The following ITSN2 variants were observed in gnomAD, a reference collection of about 807,000 sequenced individuals.
The protein encoded by ITSN2 is intersectin-2.
Under a neutral mutation model 243.7 loss-of-function variants are expected in ITSN2, and 156 were observed. The observed-to-expected ratio is 0.64, with a 90% CI of 0.56 to 0.73. The LOEUF (loss-of-function observed/expected upper bound fraction) is 0.73, where lower values mean the gene tolerates loss of function less well. Among genes scored for constraint, ITSN2 ranks in the 30% least tolerant of loss-of-function variants. The pLI, the probability that ITSN2 is intolerant of heterozygous loss-of-function variation, is 0.00. For missense variants in ITSN2, 1,801 were observed against 1,996.1 expected (o/e 0.90, Z 1.86); for synonymous variants, 703 against 699.9 (o/e 1.00, Z -0.07).
chr2:24,269,058 G>GTT (rs34653734), intron 20 of ITSN2, among the ~76,000 whole-genome samples: 3 of 146,564 alleles, frequency 2.0e-5, no homozygotes, highest in Admixed American at 6.8e-5. Flanking sequence ...AAACTCTCCT[G>GTT]TTTTTTTTTT....
chr2:24,271,746 C>T lies in ITSN2; in HGVS notation c.2257+20G>A. Reference sequence around the variant, plus strand: ...TCTTGTTGCATTTGTTCTACTGTCTCAAAGTATCCTTATCCTTACGTTTTT... The same window carrying T: ...TCTTGTTGCATTTGTTCTACTGTCTTAAAGTATCCTTATCCTTACGTTTTT... On this transcript the variant is annotated intron_variant, in intron 19 of 39. Coordinates refer to ENST00000355123, the MANE Select transcript of ITSN2 (RefSeq NM_006277.3). 1 of 1,546,772 alleles carries T rather than the reference C, an allele frequency of 6.5e-7. No homozygotes were observed. The highest frequency in any genetic ancestry group is 8.7e-7 in the Non-Finnish European group (1 of 1,153,314).
chr2:24,233,201 C>G (rs761880519), intron 29 of ITSN2, among the ~76,000 whole-genome samples: 1 of 152,148 alleles, frequency 6.6e-6, no homozygotes, highest in Non-Finnish European at 1.5e-5. Context: ...CAGCTTATTA[C>G]ACCATTAATC....
At chr2:24,238,359 A>T (rs1672381856) in intron 29 of ITSN2, among the ~76,000 whole-genome samples, 1 of 152,182 alleles carries the variant, frequency 6.6e-6, no homozygotes, top group African/African-American at 2.4e-5. Context: ...GTTTCCGGAG[A>T]TGAGGAAAGG....
chr2:24,219,637 C>A (rs1198031888), intron 30 of ITSN2, among the ~76,000 whole-genome samples: 1 of 152,188 alleles, frequency 6.6e-6, no homozygotes, highest in Non-Finnish European at 1.5e-5. Flanking sequence ...GAAGGCCTCA[C>A]CTGTGAATGG....
chr2:24,257,906 C>G lies in ITSN2; in HGVS notation c.2870G>C (p.Ser957Thr). 3.1e-6 allele frequency: 5 copies of G among 1,613,684 alleles called. No homozygotes were observed. The highest frequency in any genetic ancestry group is 4.2e-6 in the Non-Finnish European group (5 of 1,179,576). The change falls in exon 23 of 40, where the codon AGT (serine) becomes ACT (threonine). Residue 957 changes from serine (S) to threonine (T), a missense_variant. Ser to Thr is a moderately conservative substitution (Grantham distance 58). This residue lies in a region of ITSN2 where 928 missense variants were observed against 1,065.4 expected (regional missense o/e 0.87). Coordinates refer to ENST00000355123, the MANE Select transcript of ITSN2 (RefSeq NM_006277.3). ...TGCTTACTCTTCCCGTTTTACTTCACTCCCAGGAATGATCTTGACATAAGA... is the reference window on the plus strand; with the variant it reads ...TGCTTACTCTTCCCGTTTTACTTCAGTCCCAGGAATGATCTTGACATAAGA... Reference protein sequence around the residue: ...PKSYVKIIPGSEVKREEPEAL... With the variant: ...PKSYVKIIPGTEVKREEPEAL...
intron 1 of ITSN2, among the ~76,000 whole-genome samples, chr2:24,328,652 AG>A (rs1006263656): frequency 4.0e-4 from 61 of 152,158 alleles, no homozygotes; most frequent in Admixed American, 2.0e-3. Context: ...TAGTAGGGAC[AG>A]GGTTTTGCCA....
intron 29 of ITSN2, among the ~76,000 whole-genome samples, chr2:24,236,636 G>A (rs963265394): frequency 6.6e-6 from 1 of 150,768 alleles, no homozygotes; most frequent in Non-Finnish European, 1.5e-5. Flanking sequence ...ATAGAGAAAA[G>A]CCTGTGCAAT....
chr2:24,209,723 C>T (rs1573857994), intron 35 of ITSN2, 95 bp downstream of exon 35: 1 of 956,840 alleles, frequency 1.0e-6, no homozygotes, highest in East Asian at 2.5e-5. Flanking sequence ...GAGGAGGGTC[C>T]CGTAAGGCCA....
chr2:24,203,835 T>TAAAG, intron 39 of ITSN2, 52 bp from the exon 40 acceptor site: 2 of 1,541,332 alleles, frequency 1.3e-6, no homozygotes, highest in South Asian at 2.3e-5. Flanking sequence ...ATAAAATCAT[T>TAAAG]AAAGAGCTAC....
At chr2:24,270,252 T>C (rs1425519525) in intron 20 of ITSN2, among the ~76,000 whole-genome samples, 1 of 152,240 alleles carries the variant, frequency 6.6e-6, no homozygotes, top group Non-Finnish European at 1.5e-5. Context: ...CTCTTATTCA[T>C]GTATTTTATA....
At chr2:24,301,086 C>A in intron 11 of ITSN2, 68 bp downstream of exon 11, 1 of 816,040 alleles carries the variant, frequency 1.2e-6, no homozygotes, top group South Asian at 2.1e-5. Context: ...TCTAAATATT[C>A]CATTACATTT....
chr2:24,222,105 A>G (rs1211420712), intron 29 of ITSN2, among the ~76,000 whole-genome samples: 1 of 152,108 alleles, frequency 6.6e-6, no homozygotes, highest in African/African-American at 2.4e-5. Flanking sequence ...ACAAAAAATT[A>G]GCCAGGCGTG....
In ITSN2 at chr2:24,203,162, T is replaced by C. The variant is rs1335500798; in HGVS notation, c.*464A>G. On this transcript the variant is annotated 3_prime_UTR_variant, in exon 40 of 40. Transcript: ENST00000355123. ...TGCACGAGTAGACGCTATTTCAGTATCAGGCCGCGCCAAGTGTCGAGGCTG... is the reference window on the plus strand; with the variant it reads ...TGCACGAGTAGACGCTATTTCAGTACCAGGCCGCGCCAAGTGTCGAGGCTG... The C allele has an allele frequency of 6.4e-6, 1 of 155,476 alleles. No homozygotes were observed. The highest frequency in any genetic ancestry group is 6.3e-5 in the Admixed American group (1 of 15,786). The allele number at this position is 155,476 out of a possible 1,614,324, so 9.6% of individuals were successfully genotyped here.
At chr2:24,227,205 A>G (rs752558415) in intron 29 of ITSN2, among the ~76,000 whole-genome samples, 2 of 152,024 alleles carry the variant, frequency 1.3e-5, no homozygotes, top group Non-Finnish European at 2.9e-5. Context: ...GAATGGTGCA[A>G]CTGGCCTGGA....
rs201581871 is a variant in ITSN2, at chr2:24,203,709, G to A, written c.5011C>T (p.Arg1671Ter). 3.5e-5 allele frequency: 57 copies of A among 1,614,052 alleles called. No homozygotes were observed. The highest frequency in any genetic ancestry group is 4.5e-5 in the East Asian group (2 of 44,904). ...GTGGGGACCTCATGCAGCAGCAGTC[G>A]GCGGGTCATAGGGCCTTTGCTTTCC... ...EQESKGPMTRRLLLHEVPTGE... is the reference protein window; with the variant it reads ...EQESKGPMTR Residue 1671 changes from arginine to a stop codon, truncating the protein, a stop_gained, in exon 40 of 40, where the codon CGA becomes TGA. Coordinates refer to ENST00000355123, the MANE Select transcript of ITSN2 (RefSeq NM_006277.3). LOFTEE classifies it high-confidence loss of function.
intron 37 of ITSN2, among the ~76,000 whole-genome samples, chr2:24,206,840 A>C (rs568271140): frequency 4.5e-4 from 68 of 152,248 alleles, no homozygotes; most frequent in Non-Finnish European, 9.0e-4. Flanking sequence ...CGGGGGGTCC[A>C]GGTAGAAGTC....
intron 30 of ITSN2, chr2:24,220,476 G>A: frequency 1.0e-6 from 1 of 992,976 alleles, no homozygotes; most frequent in Non-Finnish European, 1.2e-6. Context: ...CTCCCATTGG[G>A]TTTTCCAAAC....
intron 17 of ITSN2, among the ~76,000 whole-genome samples, chr2:24,276,854 C>T (rs1010553018): frequency 6.6e-6 from 1 of 152,168 alleles, no homozygotes; most frequent in Non-Finnish European, 1.5e-5. Flanking sequence ...AGAAAGAAAC[C>T]TTTCTGCAGC....
intron 2 of ITSN2, among the ~76,000 whole-genome samples, chr2:24,326,338 CA>C (rs1685153219): frequency 6.6e-6 from 1 of 151,876 alleles, no homozygotes; most frequent in Non-Finnish European, 1.5e-5. Context: ...CAATGAACTG[CA>C]AAGTAGATAT....
Sources: allele counts gnomAD v4.1 joint callset (sites outside exome capture counted in the v4.1 genomes callset), GRCh38; gene constraint gnomAD v4.1.1; regional missense constraint gnomAD v4.1.1; transcripts MANE v1.5; gene names NCBI Gene and HGNC (gene_info 2026-07-23, HGNC 2026-07-21).